Variants in CNTN5 observed in about 807,000 individuals in gnomAD.
CNTN5 encodes the protein contactin-5.
In CNTN5, 77 loss-of-function variants were observed where a neutral mutation model predicts 129.1. The observed-to-expected ratio is 0.60, with a 90% CI of 0.50 to 0.72. The LOEUF (loss-of-function observed/expected upper bound fraction) is 0.72. Ranked by LOEUF, CNTN5 falls within the 30% of genes least tolerant of loss-of-function variation. The probability of loss-of-function intolerance (pLI) is 0.00; values close to 1 mark genes in which losing one functional copy is unlikely to be tolerated. For synonymous variants in CNTN5, 509 were observed against 465.6 expected (o/e 1.09, Z -1.20); for missense variants, 1,478 against 1,328.8 (o/e 1.11, Z -1.75).
intron 3 of CNTN5, among the ~76,000 whole-genome samples, chr11:99,595,449 C>T (rs1256497096): frequency 6.6e-6 from 1 of 152,034 alleles, no homozygotes; most frequent in African/African-American, 2.4e-5. Context: ...GATAAGTGGA[C>T]TTAATATGAA....
At chr11:99,141,625 A>G (rs752827557) in intron 1 of CNTN5, among the ~76,000 whole-genome samples, 2 of 152,018 alleles carry the variant, frequency 1.3e-5, no homozygotes, top group Non-Finnish European at 2.9e-5. Flanking sequence ...TAAATTTTTA[A>G]TGTGGGTATT....
intron 3 of CNTN5, chr11:99,558,384 G>T: frequency 3.6e-6 from 1 of 278,198 alleles, no homozygotes; most frequent in South Asian, 3.4e-5. Context: ...TATGTTTTTT[G>T]TTGTTGTTTT....
intron 3 of CNTN5, among the ~76,000 whole-genome samples, chr11:99,767,866 T>C (rs1944808747): frequency 6.6e-6 from 1 of 152,016 alleles, no homozygotes. Flanking sequence ...TTGTCATTTC[T>C]CCTATGTTTT....
rs149029001 is a variant in CNTN5, at chr11:100,146,755, C to T, written c.1581-44371C>T. On this transcript the variant is annotated intron_variant, in intron 13 of 24. Transcript: ENST00000524871. Reference sequence around the variant, plus strand: ...TTCATTTTTTCCTAATAATTTTTACCTTTAAGCTAATGTAAAGGGATATAA... The same window carrying T: ...TTCATTTTTTCCTAATAATTTTTACTTTTAAGCTAATGTAAAGGGATATAA... 9.2e-5 allele frequency among the ~76,000 whole-genome samples: 14 copies of T among 152,062 alleles called. No individual in the cohort carries two copies. In the East Asian group the frequency reaches 2.1e-3, roughly 23 times the overall value.
At chr11:100,288,495 C>A (rs1305788662) in intron 18 of CNTN5, among the ~76,000 whole-genome samples, 1 of 152,176 alleles carries the variant, frequency 6.6e-6, no homozygotes, top group Non-Finnish European at 1.5e-5. Flanking sequence ...GAACAACCTG[C>A]TCCTGAATGA....
chr11:99,760,701 A>G (rs1278711649), intron 3 of CNTN5, among the ~76,000 whole-genome samples: 1 of 152,134 alleles, frequency 6.6e-6, no homozygotes, highest in African/African-American at 2.4e-5. Flanking sequence ...CTCTTAAAGT[A>G]ATATAATTAA....
chr11:99,050,093 G>A (rs540456023), intron 1 of CNTN5, among the ~76,000 whole-genome samples: 29 of 152,090 alleles, frequency 1.9e-4, no homozygotes, highest in South Asian at 8.3e-4. Context: ...TTGGAAATCC[G>A]GAACCCATTG....
chr11:100,264,512 G>A (rs1276520614), intron 17 of CNTN5, among the ~76,000 whole-genome samples: 2 of 152,058 alleles, frequency 1.3e-5, no homozygotes, highest in Non-Finnish European at 2.9e-5. Context: ...TTAGTTTGTC[G>A]AGGATGATGG....
At chr11:99,466,636 A>G (rs1944955923) in intron 2 of CNTN5, among the ~76,000 whole-genome samples, 1 of 152,148 alleles carries the variant, frequency 6.6e-6, no homozygotes, top group Non-Finnish European at 1.5e-5. Context: ...AATTGTTTTA[A>G]TTAATGAAAT....
intron 3 of CNTN5, among the ~76,000 whole-genome samples, chr11:99,765,057 G>A (rs961817504): frequency 6.6e-6 from 1 of 151,976 alleles, no homozygotes; most frequent in African/African-American, 2.4e-5. Context: ...AATTTGGAAA[G>A]TGTAGCAGTT....
chr11:100,251,247 A>G (rs1591437688), intron 16 of CNTN5, among the ~76,000 whole-genome samples: 1 of 152,118 alleles, frequency 6.6e-6, no homozygotes, highest in Non-Finnish European at 1.5e-5. Flanking sequence ...TCTCATGTAG[A>G]TGCTGGCTGA....
intron 18 of CNTN5, among the ~76,000 whole-genome samples, chr11:100,289,298 C>G (rs1455767952): frequency 1.3e-5 from 2 of 152,164 alleles, no homozygotes; most frequent in Non-Finnish European, 2.9e-5. Flanking sequence ...CGGGCAGAGA[C>G]ACAACGAACA....
At chr11:99,637,323 TCAA>T (rs1396531719) in intron 3 of CNTN5, among the ~76,000 whole-genome samples, 1 of 151,950 alleles carries the variant, frequency 6.6e-6, no homozygotes, top group Non-Finnish European at 1.5e-5. Context: ...TGTACACAGA[TCAA>T]CATGGATGAA....
At chr11:99,389,137 C>T (rs993366610) in intron 2 of CNTN5, among the ~76,000 whole-genome samples, 2 of 151,856 alleles carry the variant, frequency 1.3e-5, no homozygotes, top group Non-Finnish European at 2.9e-5. Flanking sequence ...TCAAGCAATT[C>T]TCCTCCCCCA....
At chr11:100,060,065 C>T (rs191587731) in intron 9 of CNTN5, among the ~76,000 whole-genome samples, 6 of 151,948 alleles carry the variant, frequency 3.9e-5, no homozygotes, top group Admixed American at 2.0e-4. Flanking sequence ...AAAAATGAGC[C>T]GGGCATGGTG....
At chr11:99,367,544 T>C (rs1423032043) in intron 2 of CNTN5, among the ~76,000 whole-genome samples, 2 of 152,156 alleles carry the variant, frequency 1.3e-5, no homozygotes, top group African/African-American at 4.8e-5. Flanking sequence ...AGGTCAGATA[T>C]GATAGCAGGT....
chr11:99,032,842 C>T (rs1217568236), intron 1 of CNTN5, among the ~76,000 whole-genome samples: 1 of 144,716 alleles, frequency 6.9e-6, no homozygotes, highest in Non-Finnish European at 1.5e-5. Context: ...AGTCCTTGTC[C>T]ATGCCTATGT....
intron 3 of CNTN5, among the ~76,000 whole-genome samples, chr11:99,682,962 A>C (rs1953625246): frequency 6.6e-6 from 1 of 151,946 alleles, no homozygotes; most frequent in African/African-American, 2.4e-5. Context: ...GTGCAGGGAA[A>C]TATAAAGACA....
chr11:100,286,840 G>A (rs1390034872), intron 18 of CNTN5, among the ~76,000 whole-genome samples: 15 of 150,696 alleles, frequency 1.0e-4, no homozygotes, highest in East Asian at 2.0e-4. Context: ...CCAAAGGCAA[G>A]GAAGTTGAAA....
Sources: allele counts gnomAD v4.1 joint callset (sites outside exome capture counted in the v4.1 genomes callset), GRCh38; gene constraint gnomAD v4.1.1; transcripts MANE v1.5; gene names NCBI Gene and HGNC (gene_info 2026-07-23, HGNC 2026-07-21).